The following NR5A2 variants were observed in gnomAD, a reference collection of about 807,000 sequenced individuals.
NR5A2 encodes the protein CYP7A promoter-binding factor.
Under a neutral mutation model 62.7 loss-of-function variants are expected in NR5A2, and 26 were observed. The ratio of observed to expected loss-of-function variants is 0.41; its 90% CI spans 0.30 to 0.58. The LOEUF is 0.58. NR5A2 is among the 20% of genes least tolerant of loss of function. The pLI is 0.22. For synonymous variants in NR5A2, 246 were observed against 241.7 expected (o/e 1.02, Z -0.16); for missense variants, 541 against 669.1 (o/e 0.81, Z 2.11).
At chr1:200,129,548 T>C (rs1214760770) in intron 7 of NR5A2, among the ~76,000 whole-genome samples, 1 of 152,200 alleles carries the variant, frequency 6.6e-6, no homozygotes, top group Non-Finnish European at 1.5e-5. Flanking sequence ...AAGGCTGGCA[T>C]GTGCTCTCTT....
intron 5 of NR5A2, among the ~76,000 whole-genome samples, chr1:200,074,414 AAAG>A (rs1663905711): frequency 6.6e-6 from 1 of 151,110 alleles, no homozygotes; most frequent in Non-Finnish European, 1.5e-5. Context: ...AAGAAAAAAA[AAAG>A]AAAAAAAAAC....
chr1:200,088,537 G>A (rs1429769332), intron 5 of NR5A2, among the ~76,000 whole-genome samples: 3 of 150,962 alleles, frequency 2.0e-5, no homozygotes, highest in East Asian at 2.0e-4. Context: ...GATTACAGGC[G>A]TGAGCCACCA....
At chr1:200,125,071 C>T (rs1666643538) in intron 7 of NR5A2, among the ~76,000 whole-genome samples, 1 of 152,164 alleles carries the variant, frequency 6.6e-6, no homozygotes, top group Non-Finnish European at 1.5e-5. Flanking sequence ...AATAACTCCT[C>T]AAAATTAAAT....
At chr1:200,055,988 G>A (rs1662894671) in intron 5 of NR5A2, among the ~76,000 whole-genome samples, 1 of 152,176 alleles carries the variant, frequency 6.6e-6, no homozygotes, top group Non-Finnish European at 1.5e-5. Flanking sequence ...GAATCAGCAG[G>A]TTTGATTCAT....
At chr1:200,141,341 C>G (rs1342745478) in intron 7 of NR5A2, among the ~76,000 whole-genome samples, 2 of 151,276 alleles carry the variant, frequency 1.3e-5, no homozygotes, top group Non-Finnish European at 2.9e-5. Context: ...TTTGATATTT[C>G]AAGAATGTTA....
intron 6 of NR5A2, among the ~76,000 whole-genome samples, chr1:200,119,120 A>C (rs919108582): frequency 1.3e-5 from 2 of 152,002 alleles, no homozygotes; most frequent in Non-Finnish European, 2.9e-5. Flanking sequence ...CCTCTGACTC[A>C]TAATTTTTCT....
chr1:200,155,776 C>T (rs1353971004), intron 7 of NR5A2, among the ~76,000 whole-genome samples: 4 of 151,774 alleles, frequency 2.6e-5, no homozygotes, highest in African/African-American at 7.3e-5. Flanking sequence ...TGGGTTCAAG[C>T]GATTCTCCTG....
At chr1:200,053,280 T>C (rs953478632) in intron 5 of NR5A2, among the ~76,000 whole-genome samples, 14 of 152,146 alleles carry the variant, frequency 9.2e-5, no homozygotes, top group African/African-American at 2.9e-4. Context: ...TCCAAAATAA[T>C]GGCTTGAGAA....
chr1:200,062,227 T>TTGTGTGTGTGTGTGTGTGTGTGTG (rs6143563), intron 5 of NR5A2, among the ~76,000 whole-genome samples: 3,582 of 145,618 alleles, frequency 0.025, 69 homozygotes, highest in Non-Finnish European at 0.032. Flanking sequence ...CTGGCAGATT[T>TTGTGTGTGTGTGTGTGTGTGTGTG]TGTGTGTGTG....
rs1212819757 is a variant in NR5A2, at chr1:200,039,444, T to C, written c.65-214T>C. 6.6e-6 allele frequency among the ~76,000 whole-genome samples: 1 copy of C among 152,060 alleles called. No individual in the cohort carries two copies. The highest frequency in any genetic ancestry group is 2.4e-5 in the African/African-American group (1 of 41,430). On this transcript the variant is annotated intron_variant, in intron 1 of 7. Coordinates refer to ENST00000367362, the MANE Select transcript of NR5A2 (RefSeq NM_205860.3). The surrounding 1 kb of genome is among the most constrained non-coding windows in gnomAD (Gnocchi z 5.1). The stretch of plus-strand genomic sequence containing the variant: ...GAGCCGAACCAGAGGGCCGGGACGC[T>C]GTCTTCCTCGCCTCCTTTTTTAACC...
intron 5 of NR5A2, among the ~76,000 whole-genome samples, chr1:200,090,729 G>A (rs1455028949): frequency 2.0e-5 from 3 of 152,202 alleles, no homozygotes; most frequent in African/African-American, 7.2e-5. Context: ...CCCAGTGGCT[G>A]TGAGACTGTA....
intron 1 of NR5A2, among the ~76,000 whole-genome samples, chr1:200,034,963 C>T (rs1209035087): frequency 1.3e-5 from 2 of 151,710 alleles, no homozygotes; most frequent in Non-Finnish European, 2.9e-5. Flanking sequence ...GTGGAGCCTA[C>T]GGGCGTGGGC....
Position 200,048,963 on chromosome 1 carries a change from C to T in NR5A2, c.1110+145C>T. The T allele has an allele frequency of 9.4e-7, 1 of 1,067,492 alleles. No individual in the cohort carries two copies. The highest frequency in any genetic ancestry group is 1.3e-6 in the Non-Finnish European group (1 of 750,094). The allele number at this position is 1,067,492 out of a possible 1,614,324, so 66.1% of individuals were successfully genotyped here. On this transcript the variant is annotated intron_variant, in intron 5 of 7. Transcript: ENST00000367362. The surrounding 1 kb of genome is among the most constrained non-coding windows in gnomAD (Gnocchi z 4.8). ...TTACAGAGTAGACGTAATTTTATTA[C>T]CTTGACTTCAGGACTGTGGCAGCTT...
chr1:200,034,454 G>A (rs2102135935), intron 1 of NR5A2, among the ~76,000 whole-genome samples: 2 of 152,224 alleles, frequency 1.3e-5, no homozygotes, highest in Middle Eastern at 6.8e-3. Flanking sequence ...AGGACCCCTG[G>A]GTTGGGACAA....
At chr1:200,073,298 TTATATA>T (rs771272912) in intron 5 of NR5A2, among the ~76,000 whole-genome samples, 1 of 116,328 alleles carries the variant, frequency 8.6e-6, no homozygotes, top group Non-Finnish European at 1.8e-5. Context: ...ATATTCCCCT[TTATATA>T]TATATATATA....
intron 5 of NR5A2, among the ~76,000 whole-genome samples, chr1:200,082,121 G>A (rs1664322853): frequency 1.3e-5 from 2 of 152,122 alleles, no homozygotes. Context: ...GCCAGAGACA[G>A]CATTCTCATT....
intron 6 of NR5A2, among the ~76,000 whole-genome samples, chr1:200,117,896 T>G (rs1666302863): frequency 6.6e-6 from 1 of 150,734 alleles, no homozygotes; most frequent in Admixed American, 6.6e-5. Context: ...GTACTTTTAG[T>G]AGAGATGGGG....
chr1:200,077,798 T>C (rs1409021210), intron 5 of NR5A2, among the ~76,000 whole-genome samples: 1 of 152,200 alleles, frequency 6.6e-6, no homozygotes, highest in East Asian at 1.9e-4. Flanking sequence ...GGACTTCTTT[T>C]TCTCATTTGC....
intron 5 of NR5A2, among the ~76,000 whole-genome samples, chr1:200,108,579 T>C (rs1295654463): frequency 1.3e-5 from 2 of 152,174 alleles, no homozygotes; most frequent in African/African-American, 4.8e-5. Context: ...AGAAATTTGA[T>C]GCAACATTAA....
Sources: allele counts gnomAD v4.1 joint callset (sites outside exome capture counted in the v4.1 genomes callset), GRCh38; gene constraint gnomAD v4.1.1; non-coding constraint Gnocchi (gnomAD v3.1); transcripts MANE v1.5; gene names NCBI Gene and HGNC (gene_info 2026-07-23, HGNC 2026-07-21).